Variants in SHD observed in about 807,000 individuals in gnomAD.
The protein encoded by SHD is Src homology 2 domain containing transforming protein D, also known as SH2 domain-containing adapter protein D.
A neutral mutation model predicts 31.2 loss-of-function variants in SHD; 29 were observed. The ratio of observed to expected loss-of-function variants is 0.93; its 90% CI spans 0.69 to 1.27. The LOEUF (loss-of-function observed/expected upper bound fraction) is 1.27. SHD is among the 50% of genes most tolerant of loss of function. The pLI is 0.00. For synonymous variants in SHD, 208 were observed against 187.8 expected (o/e 1.11, Z -0.88); for missense variants, 520 against 453.8 (o/e 1.15, Z -1.33).
chr19:4,283,496 G>A (rs1599512469), intron 3 of SHD, among the ~76,000 whole-genome samples: 2 of 152,160 alleles, frequency 1.3e-5, no homozygotes, highest in African/African-American at 4.8e-5. Flanking sequence ...GTGGTGTGGG[G>A]AGAGGAATAT....
chr19:4,290,649 C>A lies in SHD; in HGVS notation c.*16C>A. On this transcript the variant is annotated 3_prime_UTR_variant, in exon 6 of 6. Coordinates refer to ENST00000543264, the MANE Select transcript of SHD (RefSeq NM_020209.4). ...GACCCCCTGACAGTGACCCTCGGCC[C>A]CCTTTTGAGTCCTCGGGCCCAGAAT... 6 of 1,572,612 alleles carry A rather than the reference C, an allele frequency of 3.8e-6. No individual in the cohort carries two copies. The highest frequency in any genetic ancestry group is 5.2e-6 in the Non-Finnish European group (6 of 1,156,288).
chr19:4,290,240 C>T (rs1406821072), intron 5 of SHD, among the ~76,000 whole-genome samples: 1 of 152,134 alleles, frequency 6.6e-6, no homozygotes, highest in Admixed American at 6.6e-5. Flanking sequence ...TCTCTAACGC[C>T]TGGCCTGGAG....
chr19:4,288,404 C>G (rs774709860), intron 5 of SHD, 42 bp downstream of exon 5: 11 of 1,578,954 alleles, frequency 7.0e-6, no homozygotes, highest in Non-Finnish European at 7.7e-6. Flanking sequence ...CACAGGATTG[C>G]GTGAGTCACC....
At position 4,279,897 on chromosome 19, in the gene SHD, T is replaced by G. The variant is rs1054436268; in HGVS notation, c.-167T>G. 1.0e-5 allele frequency: 8 copies of G among 778,486 alleles called. No homozygotes were observed. The highest frequency in any genetic ancestry group is 1.2e-5 in the Non-Finnish European group (6 of 499,672). 48.2% of individuals were successfully genotyped at this position (778,486 alleles called of 1,614,324 possible). A position where few individuals can be genotyped will look rare whatever the true frequency, so the allele number is the denominator to read the frequency against. ...TCCTCCCCCTCGTTCACCTTTTCCT[T>G]CCCTCTATCCATCCAGAGCCCCGCC... On this transcript the variant is annotated 5_prime_UTR_variant, in exon 1 of 6. Transcript: ENST00000543264. This position sits in a 1 kb window ranked among gnomAD's most constrained non-coding sequence, Gnocchi z 7.5.
In SHD at chr19:4,281,448, C is replaced by CAA. The variant is rs56171246; in HGVS notation, c.297+1114_297+1115dup. On this transcript the variant is annotated intron_variant, in intron 1 of 5. Coordinates refer to ENST00000543264, the MANE Select transcript of SHD (RefSeq NM_020209.4). ...TGGGTGACAGAGCAACACCCTGTCT[C>CAA]AAAAAAAAAAAAAAAAAAAAAAAAA... 5.2e-4 allele frequency among the ~76,000 whole-genome samples: 26 copies of CAA among 49,686 alleles called. 1 individual carries two copies. The highest frequency in any genetic ancestry group is 8.0e-4 in the Non-Finnish European group (23 of 28,766). The allele number at this position is 49,686 out of a possible 152,430, so 32.6% of individuals were successfully genotyped here. A position where few individuals can be genotyped will look rare whatever the true frequency, so the allele number is the denominator to read the frequency against.
At position 4,290,497 on chromosome 19, in the gene SHD, A is replaced by G; in HGVS notation, c.887A>G (p.Gln296Arg). 6.2e-7 allele frequency: 1 copy of G among 1,613,592 alleles called. No homozygotes were observed. Among genetic ancestry groups the G allele is most frequent in the Non-Finnish European group, 8.5e-7 (1 of 1,179,988 alleles). Residue 296 changes from glutamine to arginine, a missense_variant, in exon 6 of 6, where the codon CAG (glutamine) becomes CGG (arginine). By Grantham distance (43) the Gln-to-Arg change is conservative. Coordinates refer to ENST00000543264, the MANE Select transcript of SHD (RefSeq NM_020209.4). ...AAGTTCGCGCGGACCCGTGAGAACC[A>G]GGTGGTGCTGGGCCAACACAGCGGG... ...HLKFARTREN[Q>R]VVLGQHSGPF... is the part of the protein sequence containing the mutation.
At chr19:4,282,542 G>A (rs984597257) in intron 1 of SHD, among the ~76,000 whole-genome samples, 7 of 152,046 alleles carry the variant, frequency 4.6e-5, no homozygotes, top group South Asian at 2.1e-4. Context: ...CGGCTAACAC[G>A]GTGAAACCCC....
At position 4,290,637 on chromosome 19, in the gene SHD, T is replaced by A. The variant is rs1435045426; in HGVS notation, c.*4T>A. The A allele has an allele frequency of 6.3e-7, 1 of 1,589,444 alleles. No homozygotes were observed. The highest frequency in any genetic ancestry group is 1.1e-5 in the South Asian group (1 of 88,804). ...CGTGGTCACGCAGACCCCCTGACAG[T>A]GACCCTCGGCCCCCTTTTGAGTCCT... On this transcript the variant is annotated 3_prime_UTR_variant, in exon 6 of 6. Transcript: ENST00000543264.
At chr19:4,283,913 A>G (rs1024094859) in intron 3 of SHD, among the ~76,000 whole-genome samples, 1 of 152,106 alleles carries the variant, frequency 6.6e-6, no homozygotes, top group African/African-American at 2.4e-5. Context: ...CTAGTAAACT[A>G]CAGGTGAATT....
intron 3 of SHD, among the ~76,000 whole-genome samples, chr19:4,283,470 A>T (rs1250440108): frequency 6.6e-6 from 1 of 152,086 alleles, no homozygotes; most frequent in Non-Finnish European, 1.5e-5. Context: ...AATGGAACCT[A>T]CTTATCCTGC....
chr19:4,282,975 G>A lies in SHD; in HGVS notation c.403G>A (p.Glu135Lys), dbSNP rs1470459784. 10 of 1,614,082 alleles carry A rather than the reference G, an allele frequency of 6.2e-6. No homozygotes were observed. Among genetic ancestry groups the A allele is most frequent in the Non-Finnish European group, 6.8e-6 (8 of 1,180,014 alleles). Residue 135 changes from glutamate to lysine, a missense_variant and splice_region_variant, in exon 2 of 6, where the codon GAA becomes AAA. Physicochemically the swap from Glu to Lys is moderately conservative, Grantham distance 56 (BLOSUM62 1). Coordinates refer to ENST00000543264, the MANE Select transcript of SHD (RefSeq NM_020209.4). Reference protein sequence around the residue: ...EPYDAQWVMSELPGRGVQLYD... With the variant: ...EPYDAQWVMSKLPGRGVQLYD... Reference sequence around the variant, plus strand: ...CTACGATGCCCAATGGGTCATGAGTGGTGAGTAGGCACGGCTTGGGGGAAG... The same window carrying A: ...CTACGATGCCCAATGGGTCATGAGTAGTGAGTAGGCACGGCTTGGGGGAAG...
chr19:4,289,256 G>A (rs902553257), intron 5 of SHD, among the ~76,000 whole-genome samples: 6 of 150,506 alleles, frequency 4.0e-5, no homozygotes, highest in Admixed American at 2.0e-4. Flanking sequence ...GACTACAGGC[G>A]CCCACCACCA....
At chr19:4,285,889 C>T (rs370926271) in intron 4 of SHD, among the ~76,000 whole-genome samples, 37 of 87,354 alleles carry the variant, frequency 4.2e-4, no homozygotes, top group South Asian at 2.8e-3. Flanking sequence ...CTTTTCCTTT[C>T]TTTTTTTTTT....
At chr19:4,288,111 G>A in intron 4 of SHD, 132 bp from the exon 5 acceptor site, 3 of 1,069,068 alleles carry the variant, frequency 2.8e-6, no homozygotes, top group Non-Finnish European at 3.9e-6. Flanking sequence ...CACCATGTTA[G>A]GGAGACTGGT....
chr19:4,286,992 C>A (rs1232036483), intron 4 of SHD, among the ~76,000 whole-genome samples: 1 of 151,838 alleles, frequency 6.6e-6, no homozygotes, highest in African/African-American at 2.4e-5. Context: ...AGTTTGAGAC[C>A]AGCCAGGCCA....
chr19:4,288,401 T>C (rs1486899735), intron 5 of SHD, 39 bp downstream of exon 5: 2 of 1,592,198 alleles, frequency 1.3e-6, no homozygotes, highest in South Asian at 2.3e-5. Context: ...GGTCACAGGA[T>C]TGCGTGAGTC....
intron 1 of SHD, among the ~76,000 whole-genome samples, chr19:4,282,074 G>T (rs16992347): frequency 0.09 from 13,649 of 152,092 alleles, 1,439 homozygotes; most frequent in African/African-American, 0.24. Context: ...GAAGCCAGCC[G>T]CTGTCTGCGA....
Position 4,288,348 on chromosome 19 carries a change from CTCCTTG to C in SHD, c.825_830del (p.Ser277_Leu278del). On this transcript the variant is annotated inframe_deletion, in exon 5 of 6. Coordinates refer to ENST00000543264, the MANE Select transcript of SHD (RefSeq NM_020209.4). ...TCAGTGAGACCAACCCCCAGGACTG[CTCCTTG>C]TCTCTCAGGTGAGAACTCAGCCTCA... 6.2e-7 allele frequency: 1 copy of C among 1,613,132 alleles called. No homozygotes were observed.
In SHD at chr19:4,280,186, C is replaced by T. The variant is rs114622254; in HGVS notation, c.123C>T (p.Asp41=). 2,994 of 1,613,958 alleles carry T rather than the reference C, an allele frequency of 1.9e-3. 11 individuals carry two copies. Among genetic ancestry groups the T allele is most frequent in the Middle Eastern group, 5.8e-3 (35 of 6,060 alleles). Reference sequence around the variant, plus strand: ...CCTACCGCGCGCAGAAGAACCTGGACTTCGAGGACCCCTATGAGGACGCGG... The same window carrying T: ...CCTACCGCGCGCAGAAGAACCTGGATTTCGAGGACCCCTATGAGGACGCGG... ...LRAYRAQKNL[D]FEDPYEDAES... Residue 41 remains aspartate (D), a synonymous_variant, in exon 1 of 6, where the codon GAC becomes GAT. Transcript: ENST00000543264.
Sources: allele counts gnomAD v4.1 joint callset (sites outside exome capture counted in the v4.1 genomes callset), GRCh38; gene constraint gnomAD v4.1.1; non-coding constraint Gnocchi (gnomAD v3.1); transcripts MANE v1.5; gene names NCBI Gene and HGNC (gene_info 2026-07-23, HGNC 2026-07-21).